Variants in FAM149B1 observed in about 807,000 individuals in gnomAD.
FAM149B1 encodes family with sequence similarity 149 member B1.
FAM149B1 carries 56 observed loss-of-function variants against 75.3 expected under a neutral mutation model. The observed-to-expected ratio is 0.74, with a 90% CI of 0.60 to 0.93. The LOEUF is 0.93. Among genes scored for constraint, FAM149B1 ranks in the 40% least tolerant of loss-of-function variants. FAM149B1 has a pLI of 0.00. For missense variants in FAM149B1, 639 were observed against 708.4 expected (o/e 0.90, Z 1.11); for synonymous variants, 259 against 256.1 (o/e 1.01, Z -0.11).
chr10:73,228,945 G>C (rs1422369366), intron 8 of FAM149B1, among the ~76,000 whole-genome samples: 4 of 152,072 alleles, frequency 2.6e-5, no homozygotes, highest in African/African-American at 9.7e-5. Flanking sequence ...TGCCCAGGCT[G>C]GTCTCAAACT....
intron 5 of FAM149B1, among the ~76,000 whole-genome samples, chr10:73,207,096 G>A (rs2043081761): frequency 6.6e-6 from 1 of 152,216 alleles, no homozygotes; most frequent in Admixed American, 6.5e-5. Context: ...GCCTGATGCA[G>A]GGGTGGAGTC....
At chr10:73,182,270 A>G (rs2042418442) in intron 3 of FAM149B1, among the ~76,000 whole-genome samples, 1 of 143,814 alleles carries the variant, frequency 7.0e-6, no homozygotes, top group African/African-American at 2.6e-5. Context: ...GCTAGAGTGC[A>G]GTGGCACAAT....
chr10:73,209,629 TAGTTA>T (rs2043144905), intron 6 of FAM149B1, among the ~76,000 whole-genome samples: 1 of 152,122 alleles, frequency 6.6e-6, no homozygotes, highest in African/African-American at 2.4e-5. Context: ...AGAATCAGAG[TAGTTA>T]ATGATTTGTC....
At chr10:73,182,106 C>G (rs1268814197) in intron 3 of FAM149B1, among the ~76,000 whole-genome samples, 1 of 151,684 alleles carries the variant, frequency 6.6e-6, no homozygotes, top group African/African-American at 2.4e-5. Flanking sequence ...TATCTTTTTC[C>G]ATCCCTTTAT....
chr10:73,242,417 GA>G lies in FAM149B1; in HGVS notation c.*1400del, dbSNP rs968013517. 1 of 152,084 alleles carries G rather than the reference GA, an allele frequency of 6.6e-6. No homozygotes were observed. The highest frequency in any genetic ancestry group is 1.5e-5 in the Non-Finnish European group (1 of 68,010). 9.4% of individuals were successfully genotyped at this position (152,084 alleles called of 1,614,324 possible). A position where few individuals can be genotyped will look rare whatever the true frequency, so the allele number is the denominator to read the frequency against. ...ATATGGCTTGCCTTTCAAAGTTAAA[GA>G]ATCAGAAAGGGGCCTGTAAGAAGTC... is the stretch of plus-strand genomic sequence containing the variant. On this transcript the variant is annotated 3_prime_UTR_variant, in exon 14 of 14. Transcript: ENST00000242505.
rs892394688 is a variant in FAM149B1 at position 73,239,267 on chromosome 10, G to T, written c.1603-45G>T. On this transcript the variant is annotated intron_variant, in intron 12 of 13. Coordinates refer to ENST00000242505, the MANE Select transcript of FAM149B1 (RefSeq NM_173348.2). ...TGAACCTGCTAAAATATTATCCTTTGTGAGAAGATGCATCATAAGAAGTGT... is the reference window on the plus strand; with the variant it reads ...TGAACCTGCTAAAATATTATCCTTTTTGAGAAGATGCATCATAAGAAGTGT... 15 of 1,461,612 alleles carry T rather than the reference G, an allele frequency of 1.0e-5. No individual in the cohort carries two copies. The African/African-American group carries it at 1.8e-4, about 18-fold the overall frequency. The allele number at this position is 1,461,612 out of a possible 1,614,324, so 90.5% of individuals were successfully genotyped here.
At chr10:73,217,763 A>G (rs1040299320) in intron 7 of FAM149B1, among the ~76,000 whole-genome samples, 1 of 152,144 alleles carries the variant, frequency 6.6e-6, no homozygotes, top group Admixed American at 6.5e-5. Context: ...TCTTGCCCAC[A>G]CTCAGAGTGG....
intron 5 of FAM149B1, among the ~76,000 whole-genome samples, chr10:73,207,828 T>C (rs1370742129): frequency 6.6e-6 from 1 of 152,208 alleles, no homozygotes; most frequent in Non-Finnish European, 1.5e-5. Context: ...ATACTCCCAT[T>C]GTATCTTGGA....
At chr10:73,200,891 G>T in intron 5 of FAM149B1, 1 of 489,794 alleles carries the variant, frequency 2.0e-6, no homozygotes, top group South Asian at 1.6e-5. Context: ...ATACATGCCA[G>T]GGACGTCACA....
chr10:73,171,898 G>A (rs1308334976), intron 1 of FAM149B1, among the ~76,000 whole-genome samples: 1 of 152,112 alleles, frequency 6.6e-6, no homozygotes, highest in Non-Finnish European at 1.5e-5. Context: ...AAAGTGCTGG[G>A]ATTACAGGCG....
chr10:73,240,400 AT>A (rs1490373668), intron 13 of FAM149B1, among the ~76,000 whole-genome samples: 8 of 152,180 alleles, frequency 5.3e-5, no homozygotes, highest in African/African-American at 1.9e-4. Context: ...TTGAGCTACA[AT>A]TTCAGCCACA....
At chr10:73,184,372 A>G (rs541617598) in intron 3 of FAM149B1, among the ~76,000 whole-genome samples, 25 of 152,294 alleles carry the variant, frequency 1.6e-4, no homozygotes, top group African/African-American at 6.0e-4. Flanking sequence ...TATTGTAGCA[A>G]TTATAGCTGG....
chr10:73,168,257 G>C lies in FAM149B1; in HGVS notation c.-83G>C, dbSNP rs561665645. 1.4e-6 allele frequency: 2 copies of C among 1,467,678 alleles called. No individual in the cohort carries two copies. The highest frequency in any genetic ancestry group is 1.8e-6 in the Non-Finnish European group (2 of 1,086,450). 90.9% of individuals were successfully genotyped at this position (1,467,678 alleles called of 1,614,324 possible). On this transcript the variant is annotated 5_prime_UTR_variant, in exon 1 of 14. Transcript: ENST00000242505. Reference sequence around the variant, plus strand: ...GGAGGGGCCGGGCCGGAGCCGGCGGGAGGGCCAGGCCCGGAGGCCCCCACC... The same window carrying C: ...GGAGGGGCCGGGCCGGAGCCGGCGGCAGGGCCAGGCCCGGAGGCCCCCACC...
At chr10:73,219,611 T>G (rs904152577) in intron 7 of FAM149B1, among the ~76,000 whole-genome samples, 3 of 152,166 alleles carry the variant, frequency 2.0e-5, no homozygotes, top group Non-Finnish European at 4.4e-5. Context: ...CCCACACATA[T>G]GTGGCCAATT....
At chr10:73,191,333 G>A (rs2042678107) in intron 3 of FAM149B1, among the ~76,000 whole-genome samples, 1 of 137,178 alleles carries the variant, frequency 7.3e-6, no homozygotes, top group South Asian at 2.3e-4. Flanking sequence ...CACCCGCCTT[G>A]GCCTTTTTTT....
At chr10:73,174,573 A>T in intron 1 of FAM149B1, 114 bp from the exon 2 acceptor site, 1 of 702,338 alleles carries the variant, frequency 1.4e-6, no homozygotes, top group Non-Finnish European at 2.4e-6. Context: ...TGGCTACCAT[A>T]TCAGACAGTG....
At chr10:73,173,082 G>A (rs1006368995) in intron 1 of FAM149B1, among the ~76,000 whole-genome samples, 2 of 152,066 alleles carry the variant, frequency 1.3e-5, no homozygotes, top group African/African-American at 4.8e-5. Context: ...CCACACCACT[G>A]TACTCCAGCT....
rs138940606 is a variant in FAM149B1 at position 73,208,736 on chromosome 10, C to A, written c.660C>A (p.Ile220=). ...SMERDEEDSI[I]VSEGIIEEYL... Reference sequence around the variant, plus strand: ...AAAGAGATGAGGAAGACTCTATAATCGTCTCAGAAGGAATAATTGAGGAAT... The same window carrying A: ...AAAGAGATGAGGAAGACTCTATAATAGTCTCAGAAGGAATAATTGAGGAAT... Residue 220 remains isoleucine (I), a synonymous_variant, in exon 6 of 14, where the codon ATC becomes ATA. Transcript: ENST00000242505. 64 of 1,542,690 alleles carry A rather than the reference C, an allele frequency of 4.1e-5. No individual in the cohort carries two copies. In the Middle Eastern group the frequency reaches 1.3e-3, roughly 32 times the overall value.
intron 3 of FAM149B1, among the ~76,000 whole-genome samples, chr10:73,182,561 C>G (rs1332896685): frequency 1.3e-5 from 2 of 152,236 alleles, no homozygotes; most frequent in African/African-American, 2.4e-5. Context: ...CTGGCTGGCT[C>G]TTTCCATCTC....
Sources: gnomAD v4.1 joint callset for allele counts (sites outside exome capture counted in the v4.1 genomes callset) on GRCh38, gnomAD v4.1.1 for gene constraint, MANE v1.5 for transcripts, NCBI Gene and HGNC (gene_info 2026-07-23, HGNC 2026-07-21) for gene names.